The following MGRN1 variants were observed in gnomAD, a reference collection of about 807,000 sequenced individuals.
MGRN1 encodes the protein E3 ubiquitin-protein ligase MGRN1.
A neutral mutation model predicts 69.2 loss-of-function variants in MGRN1; 29 were observed. That is an observed-to-expected ratio of 0.42 (90% CI 0.31 to 0.57). The LOEUF is 0.57. Ranked by LOEUF, MGRN1 falls within the 20% of genes least tolerant of loss-of-function variation. The pLI is 0.15. For missense variants in MGRN1, 998 were observed against 796.2 expected (o/e 1.25, Z -3.05); for synonymous variants, 470 against 344.2 (o/e 1.37, Z -4.04).
chr16:4,626,678 G>A (rs572146543), intron 1 of MGRN1, among the ~76,000 whole-genome samples: 6 of 152,360 alleles, frequency 3.9e-5, no homozygotes, highest in East Asian at 1.9e-4. Flanking sequence ...CTCACTTGAT[G>A]TCCGTTCTTC....
At chr16:4,686,985 G>C in intron 16 of MGRN1, 7 of 985,550 alleles carry the variant, frequency 7.1e-6, no homozygotes, top group Non-Finnish European at 8.4e-6. Flanking sequence ...CCTGTCCTGA[G>C]GGCGTCCGCT....
chr16:4,665,027 C>T, intron 6 of MGRN1, 75 bp from the exon 7 acceptor site: 2 of 1,555,016 alleles, frequency 1.3e-6, no homozygotes, highest in Non-Finnish European at 1.8e-6. Flanking sequence ...CGCAGGCCTA[C>T]CAGGGTCGGG....
At chr16:4,645,379 G>C (rs1268034975) in intron 1 of MGRN1, among the ~76,000 whole-genome samples, 1 of 152,154 alleles carries the variant, frequency 6.6e-6, no homozygotes, top group African/African-American at 2.4e-5. Flanking sequence ...ATGTTGCCCA[G>C]GCTGGTCTTG....
chr16:4,681,467 G>A, intron 12 of MGRN1, 83 bp from the exon 13 acceptor site: 2 of 1,335,504 alleles, frequency 1.5e-6, no homozygotes, highest in Non-Finnish European at 2.1e-6. Flanking sequence ...AAAGAACAGA[G>A]TGGACAGGAG....
At chr16:4,686,773 G>T (rs140099581) in intron 16 of MGRN1, 19 of 993,302 alleles carry the variant, frequency 1.9e-5, no homozygotes, top group Non-Finnish European at 2.3e-5. Context: ...CCATGAGTTC[G>T]CATCGGTCCT....
chr16:4,650,311 C>CT lies in MGRN1; in HGVS notation c.89-53dup. The CT allele has an allele frequency of 2.2e-6, 3 of 1,380,448 alleles. No individual in the cohort carries two copies. In the South Asian group the frequency reaches 3.8e-5, roughly 18 times the overall value. 85.5% of individuals were successfully genotyped at this position (1,380,448 alleles called of 1,614,324 possible). On this transcript the variant is annotated intron_variant, in intron 1 of 16. Coordinates refer to ENST00000262370, the MANE Select transcript of MGRN1 (RefSeq NM_015246.4). ...CGCCACTGCACTCTAGCCTGAGACTCTGTCTCAAAAAAAAAAAAAAAAAAT... is the reference window on the plus strand; with the variant it reads ...CGCCACTGCACTCTAGCCTGAGACTCTTGTCTCAAAAAAAAAAAAAAAAAAT...
intron 10 of MGRN1, among the ~76,000 whole-genome samples, chr16:4,675,804 A>G (rs969879276): frequency 6.6e-6 from 1 of 152,200 alleles, no homozygotes; most frequent in African/African-American, 2.4e-5. Flanking sequence ...CAAGGAATTA[A>G]ATTGGGTTTT....
chr16:4,682,777 T>G (rs2079217797), intron 13 of MGRN1, 46 bp from the exon 14 acceptor site: 1 of 1,478,420 alleles, frequency 6.8e-7, no homozygotes, highest in Non-Finnish European at 9.0e-7. Context: ...TTAGCCTTCC[T>G]TGTCGTTATC....
In MGRN1 at chr16:4,652,027, G is replaced by C. The variant is rs944959628; in HGVS notation, c.272G>C (p.Arg91Pro). Residue 91 changes from arginine to proline, a missense_variant, in exon 3 of 17, where the codon CGC becomes CCC. Transcript: ENST00000262370. ...VKTLRSLVNI[R>P]KDSLRLVRYK... ...ACGCTGCGGAGCCTGGTGAACATCC[G>C]CAAAGACTCCCTGCGGCTGGTGAGG... The C allele has an allele frequency of 8.7e-6, 14 of 1,613,858 alleles. No homozygotes were observed. The highest frequency in any genetic ancestry group is 2.7e-5 in the African/African-American group (2 of 74,892).
chr16:4,676,530 C>T (rs1000577593), intron 10 of MGRN1, among the ~76,000 whole-genome samples: 5 of 152,246 alleles, frequency 3.3e-5, no homozygotes, highest in East Asian at 1.9e-4. Flanking sequence ...AAGGACGTGG[C>T]GGTAGAGGGG....
chr16:4,654,148 C>G (rs576564773), intron 4 of MGRN1, among the ~76,000 whole-genome samples: 1 of 152,158 alleles, frequency 6.6e-6, no homozygotes, highest in African/African-American at 2.4e-5. Flanking sequence ...AGCCAGCCAC[C>G]TCCAGGAGCC....
At chr16:4,675,266 C>A (rs2079030863) in intron 10 of MGRN1, among the ~76,000 whole-genome samples, 1 of 152,022 alleles carries the variant, frequency 6.6e-6, no homozygotes, top group South Asian at 2.1e-4. Context: ...GCCACAGGGC[C>A]CTGCCTTGTT....
intron 16 of MGRN1, chr16:4,687,609 G>C (rs1325600183): frequency 4.6e-6 from 2 of 434,328 alleles, no homozygotes; most frequent in Non-Finnish European, 5.7e-6. Context: ...ACACACACAC[G>C]GGGGAGAGAG....
At chr16:4,656,027 GC>G (rs1183325699) in intron 4 of MGRN1, among the ~76,000 whole-genome samples, 3 of 152,270 alleles carry the variant, frequency 2.0e-5, no homozygotes, top group East Asian at 1.9e-4. Flanking sequence ...TACAGTGGTG[GC>G]CCCCCCACGC....
At chr16:4,637,718 T>A (rs1266174493) in intron 1 of MGRN1, among the ~76,000 whole-genome samples, 2 of 152,198 alleles carry the variant, frequency 1.3e-5, no homozygotes, top group South Asian at 2.1e-4. Flanking sequence ...TGCTCCGGCG[T>A]GTGTGAGGCC....
chr16:4,683,997 C>G (rs559084450), intron 16 of MGRN1, 65 bp downstream of exon 16: 1 of 1,407,588 alleles, frequency 7.1e-7, no homozygotes, highest in African/African-American at 1.4e-5. Context: ...GGAGGGGGCC[C>G]TGCTCTGATG....
chr16:4,677,373 T>TGG, intron 10 of MGRN1, 90 bp from the exon 11 acceptor site: 2 of 951,370 alleles, frequency 2.1e-6, no homozygotes, highest in Non-Finnish European at 1.5e-6. Flanking sequence ...CCCTATGGTG[T>TGG]GGGGGGGGTG....
chr16:4,651,710 G>T (rs559047385), intron 2 of MGRN1, among the ~76,000 whole-genome samples: 132 of 152,288 alleles, frequency 8.7e-4, no homozygotes, highest in Non-Finnish European at 1.3e-3. Context: ...GGCAGCCCCA[G>T]CGTGCAGGGG....
intron 5 of MGRN1, 46 bp from the exon 6 acceptor site, chr16:4,664,663 G>T (rs754649895): frequency 2.5e-6 from 4 of 1,603,752 alleles, no homozygotes; most frequent in Admixed American, 3.3e-5. Flanking sequence ...AGGCTTCCAG[G>T]CTTGGCTGTG....
Sources: gnomAD v4.1 joint callset for allele counts (sites outside exome capture counted in the v4.1 genomes callset) on GRCh38, gnomAD v4.1.1 for gene constraint, MANE v1.5 for transcripts, NCBI Gene and HGNC (gene_info 2026-07-23, HGNC 2026-07-21) for gene names.